The following PCDH15 variants were observed in gnomAD, a reference collection of about 807,000 sequenced individuals.
The protein encoded by PCDH15 is protocadherin-15.
In PCDH15, 129 loss-of-function variants were observed where a neutral mutation model predicts 178.5. That is an observed-to-expected ratio of 0.72 (90% confidence interval 0.63 to 0.84). The LOEUF (loss-of-function observed/expected upper bound fraction) is 0.84, where lower values mean the gene tolerates loss of function less well. Ranked by LOEUF, PCDH15 falls within the 40% of genes least tolerant of loss-of-function variation. The pLI is 0.00. For missense variants in PCDH15, 2,230 were observed against 2,099.9 expected (o/e 1.06, Z -1.21); for synonymous variants, 800 against 732.0 (o/e 1.09, Z -1.50).
intron 25 of PCDH15, among the ~76,000 whole-genome samples, chr10:53,933,147 C>T (rs543814901): frequency 5.9e-5 from 9 of 151,940 alleles, no homozygotes; most frequent in African/African-American, 2.2e-4. Context: ...TAGAAATTAC[C>T]CAGTCTCAGG....
chr10:55,403,774 T>C (rs1838130933), intron 2 of PCDH15, among the ~76,000 whole-genome samples: 1 of 152,042 alleles, frequency 6.6e-6, no homozygotes, highest in African/African-American at 2.4e-5. Context: ...ATTTCTGTTC[T>C]TTTTGCTCAG....
intron 2 of PCDH15, among the ~76,000 whole-genome samples, chr10:55,464,932 A>G (rs1352016881): frequency 6.6e-6 from 1 of 151,422 alleles, no homozygotes; most frequent in African/African-American, 2.4e-5. Context: ...AAAACAAACA[A>G]ACAACAACAA....
chr10:54,836,505 A>C (rs1953319084), intron 3 of PCDH15, among the ~76,000 whole-genome samples: 1 of 152,142 alleles, frequency 6.6e-6, no homozygotes, highest in African/African-American at 2.4e-5. Flanking sequence ...ATTGTTACAC[A>C]GTTGTAATAA....
At chr10:54,126,448 T>C (rs1392513525) in intron 15 of PCDH15, among the ~76,000 whole-genome samples, 1 of 152,120 alleles carries the variant, frequency 6.6e-6, no homozygotes, top group East Asian at 1.9e-4. Context: ...TTATCCTGCC[T>C]CCTTATGTAC....
intron 2 of PCDH15, among the ~76,000 whole-genome samples, chr10:55,402,780 A>C (rs992993701): frequency 6.6e-6 from 1 of 151,976 alleles, no homozygotes; most frequent in African/African-American, 2.4e-5. Context: ...GCTGTAAAAA[A>C]TATGGGGGTG....
intron 2 of PCDH15, among the ~76,000 whole-genome samples, chr10:55,151,320 A>G (rs1226904382): frequency 6.6e-6 from 1 of 152,112 alleles, no homozygotes; most frequent in Non-Finnish European, 1.5e-5. Context: ...TTTCTTCAAA[A>G]ACTTTGAGCA....
intron 5 of PCDH15, among the ~76,000 whole-genome samples, chr10:54,349,738 A>G (rs993226986): frequency 1.3e-5 from 2 of 152,200 alleles, no homozygotes; most frequent in African/African-American, 2.4e-5. Context: ...TTGACTTTCA[A>G]AAAATATACT....
intron 2 of PCDH15, among the ~76,000 whole-genome samples, chr10:55,335,804 T>G (rs1844370393): frequency 1.3e-5 from 2 of 152,138 alleles, no homozygotes; most frequent in African/African-American, 2.4e-5. Context: ...AGAAAAGGGG[T>G]AACTTGTAGT....
intron 3 of PCDH15, among the ~76,000 whole-genome samples, chr10:54,426,844 C>T (rs1003821833): frequency 6.6e-6 from 1 of 151,528 alleles, no homozygotes; most frequent in African/African-American, 2.4e-5. Context: ...CTTTTAAATA[C>T]TTTAACTTGA....
At chr10:55,548,642 A>C (rs1841940954) in intron 2 of PCDH15, among the ~76,000 whole-genome samples, 1 of 152,170 alleles carries the variant, frequency 6.6e-6, no homozygotes, top group African/African-American at 2.4e-5. Flanking sequence ...ATCAAGTTTA[A>C]AACCCTCTGC....
intron 14 of PCDH15, among the ~76,000 whole-genome samples, chr10:54,133,904 TAC>T (rs1491488010): frequency 7.3e-6 from 1 of 137,016 alleles, no homozygotes; most frequent in African/African-American, 2.5e-5. Context: ...CACACACATA[TAC>T]ACACACACAT....
chr10:55,590,951 T>C (rs1440004435), intron 2 of PCDH15, among the ~76,000 whole-genome samples: 1 of 152,138 alleles, frequency 6.6e-6, no homozygotes, highest in Non-Finnish European at 1.5e-5. Context: ...GTGTTCTTAA[T>C]GCTCAGTTTG....
At chr10:54,472,366 C>T (rs1000670454) in intron 3 of PCDH15, among the ~76,000 whole-genome samples, 2 of 151,448 alleles carry the variant, frequency 1.3e-5, no homozygotes, top group Non-Finnish European at 2.9e-5. Context: ...GAAATTTCAC[C>T]TAATTTTTGT....
At chr10:53,828,516 T>A in intron 31 of PCDH15, 49 bp downstream of exon 31, 2 of 1,460,136 alleles carry the variant, frequency 1.4e-6, no homozygotes, top group Non-Finnish European at 1.9e-6. Context: ...CTCGGGTTTC[T>A]CTTTTCCTAT....
intron 2 of PCDH15, among the ~76,000 whole-genome samples, chr10:55,084,919 G>T (rs1842129458): frequency 6.6e-6 from 1 of 151,896 alleles, no homozygotes; most frequent in Non-Finnish European, 1.5e-5. Context: ...CAAAAGACAG[G>T]CAATAACAAA....
chr10:55,485,550 T>C (rs146106203), intron 2 of PCDH15, among the ~76,000 whole-genome samples: 274 of 151,772 alleles, frequency 1.8e-3, no homozygotes, highest in South Asian at 3.9e-3. Flanking sequence ...CTCTTGGGAA[T>C]GTAAACTAGT....
At chr10:55,218,914 AT>A (rs1184839371) in intron 1 of PCDH15, among the ~76,000 whole-genome samples, 1 of 152,040 alleles carries the variant, frequency 6.6e-6, no homozygotes, top group Non-Finnish European at 1.5e-5. Context: ...TATTTTTCAT[AT>A]GTAAATGACA....
chr10:54,343,631 C>T (rs1942678000), intron 6 of PCDH15, among the ~76,000 whole-genome samples: 1 of 139,232 alleles, frequency 7.2e-6, no homozygotes, highest in South Asian at 2.2e-4. Flanking sequence ...TGCTTAAGTT[C>T]TTTGTAGATT....
intron 3 of PCDH15, among the ~76,000 whole-genome samples, chr10:54,393,768 A>C (rs1241861372): frequency 6.6e-6 from 1 of 152,224 alleles, no homozygotes; most frequent in African/African-American, 2.4e-5. Context: ...TAAAGAGCCC[A>C]TTCACTTTTT....
Sources: allele counts gnomAD v4.1 joint callset (sites outside exome capture counted in the v4.1 genomes callset), GRCh38; gene constraint gnomAD v4.1.1; transcripts MANE v1.5; gene names NCBI Gene and HGNC (gene_info 2026-07-23, HGNC 2026-07-21).